The following BNC2 variants were observed in gnomAD, a reference collection of about 807,000 sequenced individuals.
BNC2 encodes the protein basonuclin zinc finger protein 2.
A neutral mutation model predicts 76.3 loss-of-function variants in BNC2; 20 were observed. That is an observed-to-expected ratio of 0.26 (90% CI 0.18 to 0.38). The LOEUF (loss-of-function observed/expected upper bound fraction) is 0.38. BNC2 is among the 10% of genes least tolerant of loss of function. BNC2 has a pLI of 1.00. For synonymous variants in BNC2, 582 were observed against 514.8 expected (o/e 1.13, Z -1.77); for missense variants, 1,382 against 1,399.8 (o/e 0.99, Z 0.20).
intron 3 of BNC2, among the ~76,000 whole-genome samples, chr9:16,633,654 T>A (rs1052894498): frequency 1.3e-5 from 2 of 152,232 alleles, no homozygotes; most frequent in African/African-American, 4.8e-5. Context: ...ATCTTCATCG[T>A]GTTTATCTAA....
intron 5 of BNC2, among the ~76,000 whole-genome samples, chr9:16,495,486 T>C (rs762712050): frequency 1.7e-4 from 26 of 152,178 alleles, no homozygotes; most frequent in Non-Finnish European, 3.7e-4. Context: ...GGGTTGCCTG[T>C]AAACAGTGCT....
At chr9:16,711,822 T>C (rs1181046788) in intron 3 of BNC2, among the ~76,000 whole-genome samples, 1 of 152,194 alleles carries the variant, frequency 6.6e-6, no homozygotes, top group Non-Finnish European at 1.5e-5. Flanking sequence ...TATTCAAAAA[T>C]ACTAAAAGGC....
chr9:16,475,718 T>C (rs951355555), intron 5 of BNC2, among the ~76,000 whole-genome samples: 4 of 152,210 alleles, frequency 2.6e-5, no homozygotes, highest in African/African-American at 4.8e-5. Context: ...GGGAATACTT[T>C]TGCCTGCAAC....
At chr9:16,509,478 C>G (rs1429768578) in intron 5 of BNC2, among the ~76,000 whole-genome samples, 1 of 152,186 alleles carries the variant, frequency 6.6e-6, no homozygotes, top group Non-Finnish European at 1.5e-5. Context: ...ATCAGACATA[C>G]TGGGAATCCA....
At chr9:16,559,628 T>G (rs1818950884) in intron 4 of BNC2, among the ~76,000 whole-genome samples, 1 of 152,226 alleles carries the variant, frequency 6.6e-6, no homozygotes, top group Non-Finnish European at 1.5e-5. Context: ...TCTGGGCTAC[T>G]TGCCCATCAC....
intron 4 of BNC2, among the ~76,000 whole-genome samples, chr9:16,559,476 G>T (rs1273363752): frequency 6.6e-6 from 1 of 152,232 alleles, no homozygotes; most frequent in Admixed American, 6.5e-5. Flanking sequence ...TGAGATTATA[G>T]GCTCAATCAG....
intron 3 of BNC2, among the ~76,000 whole-genome samples, chr9:16,666,202 T>C (rs545956895): frequency 1.3e-5 from 2 of 152,196 alleles, no homozygotes; most frequent in Non-Finnish European, 2.9e-5. Flanking sequence ...TATGAAGAGC[T>C]ACCTTCTAAC....
rs59888253 is a variant in BNC2 at position 16,732,162 on chromosome 9, A to AAAAAAAAGAAAAAG, written c.130-4166_130-4165insCTTTTTCTTTTTTT. On this transcript the variant is annotated intron_variant, in intron 2 of 6. Transcript: ENST00000380672. ...GTTTTTCCCTCCATTTCCTGCAAAA[A>AAAAAAAAGAAAAAG]AAAAAGAAAAAGAAACAAAAAAGAA... Among the ~76,000 whole-genome samples the AAAAAAAAGAAAAAG allele has an allele frequency of 6.5e-5, 8 of 123,592 alleles. No individual in the cohort carries two copies. The East Asian group carries it at 1.1e-3, about 17-fold the overall frequency. 81.1% of individuals were successfully genotyped at this position (123,592 alleles called of 152,430 possible).
At chr9:16,531,187 CA>C (rs1293567523) in intron 5 of BNC2, among the ~76,000 whole-genome samples, 2 of 152,098 alleles carry the variant, frequency 1.3e-5, no homozygotes, top group Non-Finnish European at 2.9e-5. Flanking sequence ...AGGTAGAAAA[CA>C]AAAACAAACT....
At chr9:16,629,039 A>T (rs1821083215) in intron 3 of BNC2, among the ~76,000 whole-genome samples, 1 of 152,182 alleles carries the variant, frequency 6.6e-6, no homozygotes, top group South Asian at 2.1e-4. Flanking sequence ...GTCATTCTTG[A>T]CTTTTCCAAA....
At chr9:16,841,427 T>G (rs1818822455) in intron 1 of BNC2, among the ~76,000 whole-genome samples, 2 of 152,196 alleles carry the variant, frequency 1.3e-5, no homozygotes, top group African/African-American at 4.8e-5. Flanking sequence ...AGAAAACATT[T>G]GTAAAAATGT....
intron 3 of BNC2, among the ~76,000 whole-genome samples, chr9:16,665,539 T>C (rs1822265575): frequency 6.6e-6 from 1 of 152,124 alleles, no homozygotes; most frequent in South Asian, 2.1e-4. Context: ...CTGTAAATTC[T>C]TTGAGGTTGA....
chr9:16,835,511 C>G (rs1818686088), intron 1 of BNC2, among the ~76,000 whole-genome samples: 1 of 151,706 alleles, frequency 6.6e-6, no homozygotes, highest in Admixed American at 6.6e-5. Context: ...CCAGCCTGAC[C>G]AACATGGTGA....
At chr9:16,550,875 G>A (rs1303867392) in intron 5 of BNC2, among the ~76,000 whole-genome samples, 1 of 152,180 alleles carries the variant, frequency 6.6e-6, no homozygotes, top group East Asian at 1.9e-4. Flanking sequence ...TTCTCTTTGT[G>A]TAGGGTAAAA....
intron 5 of BNC2, among the ~76,000 whole-genome samples, chr9:16,517,033 C>G (rs1317458142): frequency 6.6e-6 from 1 of 152,158 alleles, no homozygotes; most frequent in African/African-American, 2.4e-5. Flanking sequence ...AATATCCAGA[C>G]GAAGCCAAAA....
intron 1 of BNC2, among the ~76,000 whole-genome samples, chr9:16,741,000 G>A (rs368575677): frequency 2.4e-4 from 37 of 152,082 alleles, no homozygotes; most frequent in African/African-American, 8.7e-4. Context: ...CTTCTTAAAA[G>A]AGACAGAATT....
At chr9:16,482,899 C>T (rs922474688) in intron 5 of BNC2, among the ~76,000 whole-genome samples, 1 of 152,162 alleles carries the variant, frequency 6.6e-6, no homozygotes, top group Non-Finnish European at 1.5e-5. Context: ...CCGTGGCCAG[C>T]CCATCAGTCT....
Position 16,523,780 on chromosome 9 carries a change from G to C in BNC2, c.669+28750C>G, listed in dbSNP as rs188892161. On this transcript the variant is annotated intron_variant, in intron 5 of 6. Transcript: ENST00000380672. ...TCTCTACTAAAAATACAAAAAATTA[G>C]CCAGGCATGGTGGCAGACGCCTGTA... Among the ~76,000 whole-genome samples the C allele has an allele frequency of 6.6e-5, 10 of 151,990 alleles. No individual in the cohort carries two copies. In the South Asian group the frequency reaches 1.2e-3, roughly 19 times the overall value.
intron 5 of BNC2, among the ~76,000 whole-genome samples, chr9:16,484,431 G>A (rs911485288): frequency 1.3e-5 from 2 of 152,150 alleles, no homozygotes; most frequent in Admixed American, 6.6e-5. Flanking sequence ...CACAAGCAGG[G>A]CTCATATGCT....
Sources: gnomAD v4.1 joint callset for allele counts (sites outside exome capture counted in the v4.1 genomes callset) on GRCh38, gnomAD v4.1.1 for gene constraint, MANE v1.5 for transcripts, NCBI Gene and HGNC (gene_info 2026-07-23, HGNC 2026-07-21) for gene names.